The following ZC3H14 variants were observed in gnomAD, a reference collection of about 807,000 sequenced individuals.
The protein encoded by ZC3H14 is zinc finger CCCH domain-containing protein 14.
A neutral mutation model predicts 92.4 loss-of-function variants in ZC3H14; 31 were observed. The observed-to-expected ratio is 0.34, with a 90% CI of 0.25 to 0.45. The LOEUF is 0.45. ZC3H14 is among the 20% of genes least tolerant of loss of function. ZC3H14 has a pLI of 1.00. For missense variants in ZC3H14, 781 were observed against 897.3 expected, an observed-to-expected ratio of 0.87 and a Z score of 1.66; for synonymous variants, 321 against 300.9, an observed-to-expected ratio of 1.07 and a Z score of -0.69.
At chr14:88,564,798 C>T (rs904358300) in intron 2 of ZC3H14, among the ~76,000 whole-genome samples, 16 of 152,028 alleles carry the variant, frequency 1.1e-4, no homozygotes, top group Admixed American at 3.9e-4. Context: ...GTATTCAGTG[C>T]GAGGAAATAG....
rs549257028 is a variant in ZC3H14 at position 88,613,951 on chromosome 14, G to A, written c.*2200G>A. 3 of 152,182 alleles carry A rather than the reference G, an allele frequency of 2.0e-5. No homozygotes were observed. Among genetic ancestry groups the A allele is most frequent in the Non-Finnish European group, 4.4e-5 (3 of 68,026 alleles). 9.4% of individuals were successfully genotyped at this position (152,182 alleles called of 1,614,324 possible). A position where few individuals can be genotyped will look rare whatever the true frequency, so the allele number is the denominator to read the frequency against. ...TACTTAGTCAATATGACCTTTAGTC[G>A]TGAAACTGACAGCAGCAGTGATTAA... is the stretch of plus-strand genomic sequence containing the variant. On this transcript the variant is annotated 3_prime_UTR_variant, in exon 17 of 17. Transcript: ENST00000251038.
rs200062996 is a variant in ZC3H14, at chr14:88,607,203, C to T, written c.1748-40C>T. 27 of 1,613,710 alleles carry T rather than the reference C, an allele frequency of 1.7e-5. No homozygotes were observed. In the East Asian group the frequency reaches 5.8e-4, roughly 35 times the overall value. ...TAAAGGTGCTGTGTACTGAATTGAT[C>T]ATAATGAATGAAATACTTTTATTTC... On this transcript the variant is annotated intron_variant, in intron 12 of 16. Transcript: ENST00000251038.
rs1152380 is a variant in ZC3H14, at chr14:88,627,333, A to C, written c.*15582A>C. 0.013 allele frequency: 6,049 copies of C among 457,452 alleles called. 58 individuals are homozygous for C. Among genetic ancestry groups the C allele is most frequent in the Middle Eastern group, 0.032 (55 of 1,710 alleles). 28.3% of individuals were successfully genotyped at this position (457,452 alleles called of 1,614,324 possible). On this transcript the variant is annotated 3_prime_UTR_variant, in exon 17 of 17. Coordinates refer to ENST00000251038, the MANE Select transcript of ZC3H14 (RefSeq NM_024824.5). ...TGCCATTATCATTAGAAATATACAT[A>C]ATTTTCATAAGAATCTCCAAAACCA...
At chr14:88,570,511 A>G (rs2080249900) in intron 3 of ZC3H14, among the ~76,000 whole-genome samples, 1 of 152,232 alleles carries the variant, frequency 6.6e-6, no homozygotes, top group Non-Finnish European at 1.5e-5. Flanking sequence ...TGTCCAAGAC[A>G]CCATCTAGTT....
At chr14:88,567,211 G>A (rs959440810) in intron 2 of ZC3H14, among the ~76,000 whole-genome samples, 6 of 151,114 alleles carry the variant, frequency 4.0e-5, no homozygotes, top group South Asian at 2.1e-4. Context: ...CGCCTCCTGG[G>A]TTCACACCAT....
At position 88,602,890 on chromosome 14, in the gene ZC3H14, C is replaced by T; in HGVS notation, c.1577C>T (p.Pro526Leu). ...TTTATAGTGACGCTGGATGGTGTCC[C>T]CAGCCCCCCAGGATACATGTCAGAT... ...PKFIVTLDGV[P>L]SPPGYMSDQE... The change falls in exon 12 of 17, where the codon CCC becomes CTC. Residue 526 changes from proline (P) to leucine (L), a missense_variant. Pro to Leu is a moderately conservative substitution (Grantham distance 98). Transcript: ENST00000251038. The T allele has an allele frequency of 6.2e-7, 1 of 1,614,068 alleles. No homozygotes were observed. Among genetic ancestry groups the T allele is most frequent in the Non-Finnish European group, 8.5e-7 (1 of 1,180,000 alleles).
intron 10 of ZC3H14, among the ~76,000 whole-genome samples, chr14:88,598,243 A>C (rs1221226953): frequency 6.6e-6 from 1 of 152,044 alleles, no homozygotes; most frequent in Non-Finnish European, 1.5e-5. Context: ...TTTCTGTTTG[A>C]AACTAGACCC....
At chr14:88,591,046 C>G (rs2083060635) in intron 9 of ZC3H14, 1 of 152,164 alleles carries the variant, frequency 6.6e-6, no homozygotes. Flanking sequence ...TATTTTTGAC[C>G]TGAAAATTTT....
In ZC3H14 at chr14:88,563,633, T is replaced by G; in HGVS notation, c.37-18T>G. 1 of 1,614,062 alleles carries G rather than the reference T, an allele frequency of 6.2e-7. No homozygotes were observed. The highest frequency in any genetic ancestry group is 8.5e-7 in the Non-Finnish European group (1 of 1,179,868). ...AGAGCCGCCTTTCTCACATGCACGT[T>G]TGCTCTTTTTCTCTCAGAGTGCCAT... is the stretch of plus-strand genomic sequence containing the variant. On this transcript the variant is annotated intron_variant, in intron 1 of 16. Coordinates refer to ENST00000251038, the MANE Select transcript of ZC3H14 (RefSeq NM_024824.5).
intron 15 of ZC3H14, 133 bp downstream of exon 15, chr14:88,609,936 T>C (rs1336299667): frequency 5.2e-6 from 5 of 956,526 alleles, no homozygotes; most frequent in Non-Finnish European, 8.1e-6. Context: ...ATTAAGTTGT[T>C]CCTCGTCACT....
At chr14:88,577,201 A>T (rs1414965167) in intron 8 of ZC3H14, among the ~76,000 whole-genome samples, 1 of 152,226 alleles carries the variant, frequency 6.6e-6, no homozygotes, top group Non-Finnish European at 1.5e-5. Flanking sequence ...AATAAAGATT[A>T]TCAGGCAAAG....
chr14:88,568,114 C>T lies in ZC3H14; in HGVS notation c.155C>T (p.Ser52Phe), dbSNP rs1290858166. Residue 52 changes from serine to phenylalanine, a missense_variant, in exon 3 of 17, where the codon TCC becomes TTC. Transcript: ENST00000251038. The stretch of plus-strand genomic sequence containing the variant: ...CAGGACCAAATGACAGAGGATCTGT[C>T]CCTGTTTCTAGGGAACAACACAATT... ...KSQDQMTEDLSLFLGNNTIRF... is the reference protein window; with the variant it reads ...KSQDQMTEDLFLFLGNNTIRF... 6.2e-7 allele frequency: 1 copy of T among 1,613,996 alleles called. No individual in the cohort carries two copies. Among genetic ancestry groups the T allele is most frequent in the East Asian group, 2.2e-5 (1 of 44,890 alleles).
chr14:88,577,916 C>T (rs1419317777), intron 8 of ZC3H14, 69 bp from the exon 9 acceptor site: 2 of 1,584,740 alleles, frequency 1.3e-6, no homozygotes, highest in East Asian at 2.2e-5. Flanking sequence ...TTTAATATGA[C>T]ATAGTCACTG....
chr14:88,567,004 T>C (rs1344374214), intron 2 of ZC3H14, among the ~76,000 whole-genome samples: 2 of 152,044 alleles, frequency 1.3e-5, no homozygotes, highest in Admixed American at 6.5e-5. Context: ...TGCTTCCTTA[T>C]CTTCTTAGTG....
At chr14:88,596,981 T>C (rs1232236197) in intron 10 of ZC3H14, among the ~76,000 whole-genome samples, 173 bp downstream of exon 10, 1 of 152,208 alleles carries the variant, frequency 6.6e-6, no homozygotes, top group Non-Finnish European at 1.5e-5. Flanking sequence ...TTTCATGTTA[T>C]ATAGTGTTAT....
intron 9 of ZC3H14, among the ~76,000 whole-genome samples, chr14:88,584,303 T>C (rs1224226441): frequency 1.3e-5 from 2 of 152,106 alleles, no homozygotes; most frequent in Non-Finnish European, 2.9e-5. Flanking sequence ...ATGTGGCAAT[T>C]TGAAAAAACT....
chr14:88,575,965 AC>A (rs778659363), intron 8 of ZC3H14, 25 bp downstream of exon 8: 30 of 1,539,352 alleles, frequency 1.9e-5, no homozygotes, highest in Non-Finnish European at 2.7e-5. Context: ...TTATGTTTAC[AC>A]TTGGTAAGAC....
intron 9 of ZC3H14, among the ~76,000 whole-genome samples, chr14:88,579,003 C>G (rs2081547809): frequency 6.6e-6 from 1 of 151,882 alleles, no homozygotes; most frequent in African/African-American, 2.4e-5. Flanking sequence ...CTCTTCAGAC[C>G]TTTTGTCTCT....
At position 88,578,007 on chromosome 14, in the gene ZC3H14, A is replaced by G; in HGVS notation, c.1146A>G (p.Pro382=). 6.2e-7 allele frequency: 1 copy of G among 1,614,156 alleles called. No individual in the cohort carries two copies. The highest frequency in any genetic ancestry group is 1.1e-5 in the South Asian group (1 of 91,088). Residue 382 remains proline (P), a synonymous_variant, in exon 9 of 17, where the codon CCA becomes CCG. Transcript: ENST00000251038. ...AAGTTCCACAGAAACAGACACTTCC[A>G]GTTGCTCCCAGAACTCGAACTTCTC... ...YSTVPQKQTL[P]VAPRTRTSQE...
Sources: gnomAD v4.1 joint callset for allele counts (sites outside exome capture counted in the v4.1 genomes callset) on GRCh38, gnomAD v4.1.1 for gene constraint, MANE v1.5 for transcripts, NCBI Gene and HGNC (gene_info 2026-07-23, HGNC 2026-07-21) for gene names.